RTN4RL2: variants seen among roughly 807,000 people sequenced by gnomAD.
The protein encoded by RTN4RL2 is reticulon 4 receptor like 2.
Under a neutral mutation model 27.8 loss-of-function variants are expected in RTN4RL2, and 9 were observed. The observed-to-expected ratio is 0.32, with a 90% CI of 0.20 to 0.57. The LOEUF is 0.57. Among genes scored for constraint, RTN4RL2 ranks in the 20% least tolerant of loss-of-function variants. The probability of loss-of-function intolerance (pLI) is 0.90; values close to 1 mark genes in which losing one functional copy is unlikely to be tolerated. For synonymous variants in RTN4RL2, 285 were observed against 297.9 expected, an observed-to-expected ratio of 0.96 and a Z score of 0.45; for missense variants, 436 against 596.8, an observed-to-expected ratio of 0.73 and a Z score of 2.81.
intron 1 of RTN4RL2, among the ~76,000 whole-genome samples, chr11:57,465,071 C>T (rs1204892425): frequency 2.0e-5 from 3 of 152,132 alleles, no homozygotes; most frequent in African/African-American, 4.8e-5. Context: ...CAGGAGGGGC[C>T]GGGGACACTC....
At chr11:57,474,713 G>C (rs543746714) in intron 2 of RTN4RL2, among the ~76,000 whole-genome samples, 1 of 152,350 alleles carries the variant, frequency 6.6e-6, no homozygotes, top group South Asian at 2.1e-4. Context: ...TGGGCTGATG[G>C]GTGCCAAGGC....
chr11:57,471,041 G>C (rs1046693456), intron 2 of RTN4RL2, among the ~76,000 whole-genome samples: 1 of 152,000 alleles, frequency 6.6e-6, no homozygotes, highest in Admixed American at 6.6e-5. Flanking sequence ...TTCGAGACCA[G>C]CCTGGCCAAT....
rs529882560 is a variant in RTN4RL2 at position 57,476,365 on chromosome 11, G to A, written c.717G>A (p.Leu239=). The A allele has an allele frequency of 7.5e-6, 12 of 1,610,000 alleles. No homozygotes were observed. Among genetic ancestry groups the A allele is most frequent in the Non-Finnish European group, 8.5e-6 (10 of 1,179,356 alleles). Residue 239 remains leucine, a synonymous_variant, in exon 3 of 3, where the codon CTG becomes CTA. Coordinates refer to ENST00000335099, the MANE Select transcript of RTN4RL2 (RefSeq NM_178570.3). The surrounding 1 kb of genome is among the most constrained non-coding windows in gnomAD (Gnocchi z 8.2). ...LTILYLFNNS[L]ASLPGEALAD... ...TCCTCTACCTGTTCAACAACAGCCTGGCCTCGCTGCCCGGCGAGGCGCTCG... is the reference window on the plus strand; with the variant it reads ...TCCTCTACCTGTTCAACAACAGCCTAGCCTCGCTGCCCGGCGAGGCGCTCG...
chr11:57,467,546 G>T lies in RTN4RL2; in HGVS notation c.32-63G>T. 1 of 1,539,930 alleles carries T rather than the reference G, an allele frequency of 6.5e-7. No homozygotes were observed. Among genetic ancestry groups the T allele is most frequent in the Admixed American group, 2.0e-5 (1 of 50,844 alleles). ...GGCCTTTTACCAAGTTGGGGGGCTG[G>T]CCCCCAGCTGGCACTCCTGCCCTGG... On this transcript the variant is annotated intron_variant, in intron 1 of 2. Transcript: ENST00000335099. The surrounding 1 kb of genome is among the most constrained non-coding windows in gnomAD (Gnocchi z 5.5).
At chr11:57,464,590 C>A (rs1378145396) in intron 1 of RTN4RL2, among the ~76,000 whole-genome samples, 2 of 152,202 alleles carry the variant, frequency 1.3e-5, no homozygotes, top group Admixed American at 6.5e-5. Flanking sequence ...ACTTTTCTGG[C>A]CCTTTCCCTG....
At position 57,467,926 on chromosome 11, in the gene RTN4RL2, C is replaced by T. The variant is rs375094970; in HGVS notation, c.349C>T (p.Arg117Trp). ...ALEELDLGDN[R>W]HLRSLEPDTF... ...GGAGGAGCTGGACCTCGGTGACAACCGGCACCTGCGCTCGCTGGAGCCCGA... is the reference window on the plus strand; with the variant it reads ...GGAGGAGCTGGACCTCGGTGACAACTGGCACCTGCGCTCGCTGGAGCCCGA... The change falls in exon 2 of 3, where the codon CGG (arginine) becomes TGG (tryptophan). Residue 117 changes from arginine to tryptophan, a missense_variant. Physicochemically the swap from Arg to Trp is moderately radical, Grantham distance 101. Coordinates refer to ENST00000335099, the MANE Select transcript of RTN4RL2 (RefSeq NM_178570.3). This position sits in a 1 kb window ranked among gnomAD's most constrained non-coding sequence, Gnocchi z 5.5. 38 of 1,613,642 alleles carry T rather than the reference C, an allele frequency of 2.4e-5. No homozygotes were observed. The highest frequency in any genetic ancestry group is 2.9e-5 in the Non-Finnish European group (34 of 1,179,968).
intron 1 of RTN4RL2, among the ~76,000 whole-genome samples, chr11:57,464,639 T>C (rs1380865367): frequency 6.6e-6 from 1 of 152,164 alleles, no homozygotes; most frequent in Non-Finnish European, 1.5e-5. Context: ...AGTCGCTTGC[T>C]CTCTCTGAGC....
rs1233781818 is a variant in RTN4RL2, at chr11:57,477,333, C to G, written c.*422C>G. The G allele has an allele frequency of 6.1e-6, 1 of 163,968 alleles. No homozygotes were observed. 10.2% of individuals were successfully genotyped at this position (163,968 alleles called of 1,614,324 possible). On this transcript the variant is annotated 3_prime_UTR_variant, in exon 3 of 3. Coordinates refer to ENST00000335099, the MANE Select transcript of RTN4RL2 (RefSeq NM_178570.3). ...AGGACCCTTTGGGGGATGCCTCAGTCAGGGCCAGGCTGACCCTGACCCCTG... is the reference window on the plus strand; with the variant it reads ...AGGACCCTTTGGGGGATGCCTCAGTGAGGGCCAGGCTGACCCTGACCCCTG...
chr11:57,470,304 G>A (rs1403295518), intron 2 of RTN4RL2, among the ~76,000 whole-genome samples: 2 of 152,088 alleles, frequency 1.3e-5, no homozygotes, highest in Non-Finnish European at 2.9e-5. Context: ...CTGGAGTGCA[G>A]TAGTGCGATC....
In RTN4RL2 at chr11:57,460,851, G is replaced by A; in HGVS notation, c.-15G>A. On this transcript the variant is annotated 5_prime_UTR_variant, in exon 1 of 3. Coordinates refer to ENST00000335099, the MANE Select transcript of RTN4RL2 (RefSeq NM_178570.3). ...CCCTCCCCCCGCTGCCCCCTCCCCCGAGCATCGAGACAAGATGCTGCCCGG... is the reference window on the plus strand; with the variant it reads ...CCCTCCCCCCGCTGCCCCCTCCCCCAAGCATCGAGACAAGATGCTGCCCGG... 3.6e-6 allele frequency: 5 copies of A among 1,403,300 alleles called. No individual in the cohort carries two copies. The highest frequency in any genetic ancestry group is 3.0e-5 in the South Asian group (2 of 67,376). 86.9% of individuals were successfully genotyped at this position (1,403,300 alleles called of 1,614,324 possible).
Position 57,476,551 on chromosome 11 carries a change from G to T in RTN4RL2, c.903G>T (p.Ala301=). 1 of 1,396,208 alleles carries T rather than the reference G, an allele frequency of 7.2e-7. No homozygotes were observed. Among genetic ancestry groups the T allele is most frequent in the Non-Finnish European group, 9.2e-7 (1 of 1,083,874 alleles). 86.5% of individuals were successfully genotyped at this position (1,396,208 alleles called of 1,614,324 possible). ...AGCGCCAGGGCCGAGACCTGCGCGC[G>T]CTCCGCGAGGCCGACTTCCAGGCGT... ...PPERQGRDLR[A]LREADFQACP... Residue 301 remains alanine (A), a synonymous_variant, in exon 3 of 3, where the codon GCG becomes GCT. Transcript: ENST00000335099. The surrounding 1 kb of genome is among the most constrained non-coding windows in gnomAD (Gnocchi z 8.2).
At chr11:57,468,924 C>T in intron 2 of RTN4RL2, 1 of 759,198 alleles carries the variant, frequency 1.3e-6, no homozygotes, top group Non-Finnish European at 2.3e-6. Context: ...CAAATCATCC[C>T]ACTCCATTTC....
At chr11:57,461,376 C>A (rs1162334127) in intron 1 of RTN4RL2, among the ~76,000 whole-genome samples, 1 of 139,770 alleles carries the variant, frequency 7.2e-6, no homozygotes, top group East Asian at 2.2e-4. Flanking sequence ...AGATGGAGGG[C>A]GCTAGAAAGA....
At chr11:57,468,168 C>T (rs546596721) in intron 2 of RTN4RL2, 78 bp downstream of exon 2, 108 of 1,458,900 alleles carry the variant, frequency 7.4e-5, no homozygotes, top group South Asian at 1.1e-4. Context: ...CCGACCCTGG[C>T]GTGCGTCCCT....
intron 1 of RTN4RL2, among the ~76,000 whole-genome samples, chr11:57,463,533 C>G (rs768627614): frequency 1.3e-5 from 2 of 152,058 alleles, no homozygotes; most frequent in Non-Finnish European, 2.9e-5. Flanking sequence ...CTTCCCCTCC[C>G]CAGCCCTCAA....
rs199684584 is a variant in RTN4RL2 at position 57,476,581 on chromosome 11, G to A, written c.933G>A (p.Pro311=). The change falls in exon 3 of 3, where the codon CCG becomes CCA. Residue 311 remains proline, a synonymous_variant. Coordinates refer to ENST00000335099, the MANE Select transcript of RTN4RL2 (RefSeq NM_178570.3). The surrounding 1 kb of genome is among the most constrained non-coding windows in gnomAD (Gnocchi z 8.2). ...ALREADFQAC[P]PAAPTRPGSR... ...GCGAGGCCGACTTCCAGGCGTGTCCGCCCGCGGCACCCACGCGGCCGGGCA... is the reference window on the plus strand; with the variant it reads ...GCGAGGCCGACTTCCAGGCGTGTCCACCCGCGGCACCCACGCGGCCGGGCA... The A allele has an allele frequency of 1.3e-3, 1,764 of 1,395,774 alleles. 24 individuals are homozygous for A. In the African/African-American group the frequency reaches 0.022, roughly 18 times the overall value. The allele number at this position is 1,395,774 out of a possible 1,614,324, so 86.5% of individuals were successfully genotyped here.
At chr11:57,463,307 G>C (rs1185460062) in intron 1 of RTN4RL2, among the ~76,000 whole-genome samples, 2 of 152,144 alleles carry the variant, frequency 1.3e-5, no homozygotes, top group Non-Finnish European at 1.5e-5. Context: ...GTGCTTCTTG[G>C]TTTCCTCCTA....
chr11:57,472,234 T>TG (rs1482175817), intron 2 of RTN4RL2, among the ~76,000 whole-genome samples: 4 of 152,128 alleles, frequency 2.6e-5, no homozygotes, highest in African/African-American at 9.6e-5. Context: ...TTTTTGTTTT[T>TG]GAGACAGTCT....
In RTN4RL2 at chr11:57,476,931, G is replaced by C; in HGVS notation, c.*20G>C. On this transcript the variant is annotated 3_prime_UTR_variant, in exon 3 of 3. Transcript: ENST00000335099. This position sits in a 1 kb window ranked among gnomAD's most constrained non-coding sequence, Gnocchi z 8.2. ...CTCTGACTGCGGTGCTGAGATCGAA[G>C]AGGCCAGTGTCCGATCCCCGCTTCC... is the stretch of plus-strand genomic sequence containing the variant. The C allele has an allele frequency of 6.5e-7, 1 of 1,544,394 alleles. No individual in the cohort carries two copies. The highest frequency in any genetic ancestry group is 1.4e-5 in the African/African-American group (1 of 70,568).
Sources: gnomAD v4.1 joint callset for allele counts (sites outside exome capture counted in the v4.1 genomes callset) on GRCh38, gnomAD v4.1.1 for gene constraint, Gnocchi (gnomAD v3.1) non-coding constraint, MANE v1.5 for transcripts, NCBI Gene and HGNC (gene_info 2026-07-23, HGNC 2026-07-21) for gene names.